The following TMEM132C variants were observed in gnomAD, a reference collection of about 807,000 sequenced individuals.
TMEM132C encodes the protein protein phosphatase 1, regulatory subunit 152.
In TMEM132C, 29 loss-of-function variants were observed where a neutral mutation model predicts 61.4. That is an observed-to-expected ratio of 0.47 (90% CI 0.35 to 0.64). TMEM132C has a LOEUF of 0.64. Among genes scored for constraint, TMEM132C ranks in the 30% least tolerant of loss-of-function variants. The pLI, the probability that TMEM132C is intolerant of heterozygous loss-of-function variation, is 0.00. For synonymous variants in TMEM132C, 656 were observed against 633.1 expected (o/e 1.04, Z -0.54); for missense variants, 1,408 against 1,476.9 (o/e 0.95, Z 0.76).
At chr12:128,375,417 G>C (rs1326563215) in intron 1 of TMEM132C, among the ~76,000 whole-genome samples, 2 of 152,140 alleles carry the variant, frequency 1.3e-5, no homozygotes, top group Non-Finnish European at 2.9e-5. Context: ...GAATCTCCCG[G>C]CTTCTGGTGG....
chr12:128,399,722 T>C (rs1286603227), intron 1 of TMEM132C, among the ~76,000 whole-genome samples: 2 of 152,084 alleles, frequency 1.3e-5, no homozygotes, highest in African/African-American at 4.8e-5. Flanking sequence ...CACTATGGCC[T>C]GTGGGTCAAA....
chr12:128,658,996 C>T (rs1954357949), intron 4 of TMEM132C, among the ~76,000 whole-genome samples: 1 of 152,136 alleles, frequency 6.6e-6, no homozygotes, highest in Non-Finnish European at 1.5e-5. Context: ...CTCCATGGCT[C>T]TACCAGAGAG....
In TMEM132C at chr12:128,415,722, C is replaced by T. The variant is rs1868759223; in HGVS notation, c.974+102C>T. On this transcript the variant is annotated intron_variant, in intron 2 of 8. Coordinates refer to ENST00000435159, the MANE Select transcript of TMEM132C (RefSeq NM_001136103.3). The surrounding 1 kb of genome is among the most constrained non-coding windows in gnomAD (Gnocchi z 5.8). Reference sequence around the variant, plus strand: ...ATTCAGGAAGCATCGATTTTCACTACCTTCAGGGACCGTTTGGCATTAACA... The same window carrying T: ...ATTCAGGAAGCATCGATTTTCACTATCTTCAGGGACCGTTTGGCATTAACA... 1 of 1,327,236 alleles carries T rather than the reference C, an allele frequency of 7.5e-7. No homozygotes were observed. Among genetic ancestry groups the T allele is most frequent in the African/African-American group, 1.5e-5 (1 of 67,376 alleles). 82.2% of individuals were successfully genotyped at this position (1,327,236 alleles called of 1,614,324 possible). A position where few individuals can be genotyped will look rare whatever the true frequency, so the allele number is the denominator to read the frequency against.
intron 1 of TMEM132C, among the ~76,000 whole-genome samples, chr12:128,301,469 T>G (rs1193616413): frequency 6.6e-6 from 1 of 152,218 alleles, no homozygotes. Flanking sequence ...GTTGCCTGCC[T>G]GCCTAATAGT....
intron 2 of TMEM132C, among the ~76,000 whole-genome samples, chr12:128,452,699 A>G (rs1870217711): frequency 6.6e-6 from 1 of 151,568 alleles, no homozygotes; most frequent in African/African-American, 2.4e-5. Context: ...GTGAGACTCC[A>G]TCTCAAAAAA....
chr12:128,394,044 T>G (rs1192814461), intron 1 of TMEM132C, among the ~76,000 whole-genome samples: 1 of 152,128 alleles, frequency 6.6e-6, no homozygotes, highest in African/African-American at 2.4e-5. Context: ...AAGAAAGCAG[T>G]TTAAGGCACT....
At chr12:128,301,159 T>C (rs1223738810) in intron 1 of TMEM132C, among the ~76,000 whole-genome samples, 1 of 151,830 alleles carries the variant, frequency 6.6e-6, no homozygotes, top group Non-Finnish European at 1.5e-5. Context: ...GAAGCAGAAG[T>C]AGGAGAGCTT....
intron 2 of TMEM132C, among the ~76,000 whole-genome samples, chr12:128,524,881 C>G (rs1873031895): frequency 6.6e-6 from 1 of 152,184 alleles, no homozygotes; most frequent in African/African-American, 2.4e-5. Flanking sequence ...GCTTTCTTAT[C>G]CCTGCTTTGC....
At chr12:128,512,226 C>G (rs1211180109) in intron 2 of TMEM132C, among the ~76,000 whole-genome samples, 1 of 152,212 alleles carries the variant, frequency 6.6e-6, no homozygotes, top group Admixed American at 6.5e-5. Context: ...CGCCCACCCC[C>G]ACATCCCCGT....
At chr12:128,451,473 G>C (rs537644320) in intron 2 of TMEM132C, among the ~76,000 whole-genome samples, 1 of 152,246 alleles carries the variant, frequency 6.6e-6, no homozygotes, top group South Asian at 2.1e-4. Flanking sequence ...GCAGGAAAGA[G>C]GGCTGCATAT....
chr12:128,549,923 T>C (rs562202922), intron 3 of TMEM132C, among the ~76,000 whole-genome samples: 3 of 152,178 alleles, frequency 2.0e-5, no homozygotes, highest in Non-Finnish European at 4.4e-5. Context: ...AATTCAAACC[T>C]GGGAGGTCTG....
chr12:128,287,006 G>A (rs749644338), intron 1 of TMEM132C, among the ~76,000 whole-genome samples: 7 of 152,218 alleles, frequency 4.6e-5, no homozygotes, highest in Non-Finnish European at 1.0e-4. Flanking sequence ...GAAGGGCAGC[G>A]GTTTTGCCAG....
intron 3 of TMEM132C, among the ~76,000 whole-genome samples, chr12:128,560,616 C>T (rs930921536): frequency 6.6e-6 from 1 of 152,186 alleles, no homozygotes; most frequent in Non-Finnish European, 1.5e-5. Flanking sequence ...ATGGAATCAC[C>T]TTGTTTCTTT....
chr12:128,612,812 C>T (rs772596763), intron 3 of TMEM132C, among the ~76,000 whole-genome samples: 1 of 152,212 alleles, frequency 6.6e-6, no homozygotes, highest in Admixed American at 6.5e-5. Context: ...AGGAAAAATA[C>T]CCCTTCTCTT....
At chr12:128,463,426 C>T (rs1449885661) in intron 2 of TMEM132C, among the ~76,000 whole-genome samples, 2 of 152,118 alleles carry the variant, frequency 1.3e-5, no homozygotes, top group African/African-American at 4.8e-5. Flanking sequence ...TCAAGTGATT[C>T]TCCTGCCTCA....
chr12:128,364,477 A>C (rs1873803750), intron 1 of TMEM132C, among the ~76,000 whole-genome samples: 1 of 151,842 alleles, frequency 6.6e-6, no homozygotes, highest in Non-Finnish European at 1.5e-5. Flanking sequence ...GCGAAGCTCC[A>C]CTCATTTAGA....
chr12:128,404,603 A>G lies in TMEM132C; in HGVS notation c.86-10129A>G, dbSNP rs866811968. On this transcript the variant is annotated intron_variant, in intron 1 of 8. Transcript: ENST00000435159. ...TCTCCCAGTGTTATCCTGTCTGGGC[A>G]CTGAGTGACGTGGCCTTGCCATATT... The G allele has an allele frequency of 2.6e-4, 39 of 152,364 alleles. 1 individual carries two copies. Among genetic ancestry groups the G allele is most frequent in the African/African-American group, 9.4e-4 (39 of 41,576 alleles). The allele number at this position is 152,364 out of a possible 1,614,324, so 9.4% of individuals were successfully genotyped here. A position where few individuals can be genotyped will look rare whatever the true frequency, so the allele number is the denominator to read the frequency against.
At chr12:128,518,912 C>T (rs555092250) in intron 2 of TMEM132C, among the ~76,000 whole-genome samples, 7 of 152,192 alleles carry the variant, frequency 4.6e-5, no homozygotes, top group African/African-American at 1.2e-4. Context: ...CATTCTGTCA[C>T]GTGGGAATAA....
intron 3 of TMEM132C, among the ~76,000 whole-genome samples, chr12:128,609,583 A>G (rs1403934796): frequency 1.3e-5 from 2 of 151,936 alleles, no homozygotes; most frequent in East Asian, 3.9e-4. Flanking sequence ...ATTTGAACTC[A>G]TAATGTAATT....
Sources: gnomAD v4.1 joint callset for allele counts (sites outside exome capture counted in the v4.1 genomes callset) on GRCh38, gnomAD v4.1.1 for gene constraint, Gnocchi (gnomAD v3.1) non-coding constraint, MANE v1.5 for transcripts, NCBI Gene and HGNC (gene_info 2026-07-23, HGNC 2026-07-21) for gene names.